The following RANBP9 variants were observed in gnomAD, a reference collection of about 807,000 sequenced individuals.
RANBP9 encodes the protein RAN binding protein 9.
Under a neutral mutation model 84.3 loss-of-function variants are expected in RANBP9, and 15 were observed. The observed-to-expected ratio is 0.18, with a 90% confidence interval of 0.12 to 0.27. The LOEUF (loss-of-function observed/expected upper bound fraction) is 0.27. RANBP9 is among the 10% of genes least tolerant of loss of function. RANBP9 has a pLI of 1.00. For missense variants in RANBP9, 809 were observed against 912.8 expected, an observed-to-expected ratio of 0.89 and a Z score of 1.46; for synonymous variants, 392 against 349.6, an observed-to-expected ratio of 1.12 and a Z score of -1.35.
chr6:13,634,281 G>A, intron 11 of RANBP9, 150 bp downstream of exon 11: 1 of 884,600 alleles, frequency 1.1e-6, no homozygotes, highest in Non-Finnish European at 1.6e-6. Context: ...ACTCAAACAA[G>A]AGTTTAAGTG....
rs967550710 is a variant in RANBP9 at position 13,711,174 on chromosome 6, C to G, written c.332G>C (p.Gly111Ala). Reference sequence around the variant, plus strand: ...CGGGGCTCCTCCAGCCGGGCCGGGGCCCGCTGCAAGGCCCGGGGGAGCGGG... The same window carrying G: ...CGGGGCTCCTCCAGCCGGGCCGGGGGCCGCTGCAAGGCCCGGGGGAGCGGG... ...GPPAPPGLAAGPGPAGGAPTP... is the reference protein window; with the variant it reads ...GPPAPPGLAAAPGPAGGAPTP... Residue 111 changes from glycine (G) to alanine (A), a missense_variant, in exon 1 of 14, where the codon GGC (glycine) becomes GCC (alanine). By Grantham distance (60) the Gly-to-Ala change is moderately conservative (BLOSUM62 0). Transcript: ENST00000011619. The G allele has an allele frequency of 1.1e-5, 15 of 1,423,684 alleles. No individual in the cohort carries two copies. The highest frequency in any genetic ancestry group is 1.3e-5 in the Non-Finnish European group (14 of 1,092,664). The allele number at this position is 1,423,684 out of a possible 1,614,324, so 88.2% of individuals were successfully genotyped here.
chr6:13,649,785 A>G (rs779336486), intron 5 of RANBP9, among the ~76,000 whole-genome samples: 1 of 152,100 alleles, frequency 6.6e-6, no homozygotes, highest in Non-Finnish European at 1.5e-5. Context: ...AGTCCTCCAG[A>G]GTTATCCACT....
intron 10 of RANBP9, among the ~76,000 whole-genome samples, 169 bp downstream of exon 10, chr6:13,637,639 C>A (rs973467032): frequency 2.6e-5 from 4 of 152,146 alleles, no homozygotes; most frequent in Admixed American, 2.0e-4. Context: ...TAATAGGAGA[C>A]TAAAAAGCTT....
intron 11 of RANBP9, among the ~76,000 whole-genome samples, chr6:13,633,750 A>G (rs1367098584): frequency 1.3e-5 from 2 of 152,228 alleles, no homozygotes; most frequent in African/African-American, 4.8e-5. Flanking sequence ...TCAATCTCAA[A>G]ATAATAAGAA....
In RANBP9 at chr6:13,688,909, T is replaced by C. The variant is rs1766258577; in HGVS notation, c.683+7876A>G. Among the ~76,000 whole-genome samples, 4 of 140,658 alleles carry C rather than the reference T, an allele frequency of 2.8e-5. No homozygotes were observed. In the Admixed American group the frequency reaches 3.2e-4, roughly 11 times the overall value. The allele number at this position is 140,658 out of a possible 152,430, so 92.3% of individuals were successfully genotyped here. A position where few individuals can be genotyped will look rare whatever the true frequency, so the allele number is the denominator to read the frequency against. On this transcript the variant is annotated intron_variant, in intron 2 of 13. Transcript: ENST00000011619. ...GACTCATGCCTGTAATCCCAACACTTAGGGAGGCAGGAGGATAGCTTGAGG... is the reference window on the plus strand; with the variant it reads ...GACTCATGCCTGTAATCCCAACACTCAGGGAGGCAGGAGGATAGCTTGAGG...
rs1029544135 is a variant in RANBP9, at chr6:13,711,250, GCGGGGGCGGCGGGGCCGCGGTGGC to G, written c.232_255del (p.Ala78_Pro85del). On this transcript the variant is annotated inframe_deletion, in exon 1 of 14. Transcript: ENST00000011619. Reference sequence around the variant, plus strand: ...GAGGCAGGGGGAGGCGGGGGCGGCGGCGGGGGCGGCGGGGCCGCGGTGGCCGGGGGCGGCGGCGGCGGAGGGTGG... The same window carrying G: ...GAGGCAGGGGGAGGCGGGGGCGGCGGCGGGGGCGGCGGCGGCGGAGGGTGG... 165 of 981,356 alleles carry G rather than the reference GCGGGGGCGGCGGGGCCGCGGTGGC, an allele frequency of 1.7e-4. No homozygotes were observed. The highest frequency in any genetic ancestry group is 1.9e-4 in the Non-Finnish European group (154 of 827,880). 60.8% of individuals were successfully genotyped at this position (981,356 alleles called of 1,614,324 possible).
At chr6:13,706,057 G>A (rs556582622) in intron 1 of RANBP9, among the ~76,000 whole-genome samples, 2 of 151,926 alleles carry the variant, frequency 1.3e-5, no homozygotes, top group South Asian at 4.2e-4. Context: ...GACAGAGTAA[G>A]TATAACAAAA....
At chr6:13,644,998 C>T (rs9382329) in intron 5 of RANBP9, among the ~76,000 whole-genome samples, 28,218 of 152,040 alleles carry the variant, frequency 0.19, 2,872 homozygotes, top group African/African-American at 0.25. Flanking sequence ...TATTATACCA[C>T]GTGGTATTAT....
chr6:13,703,701 G>C (rs1584950970), intron 1 of RANBP9, among the ~76,000 whole-genome samples: 1 of 152,092 alleles, frequency 6.6e-6, no homozygotes, highest in Non-Finnish European at 1.5e-5. Context: ...CAGTCAGTAG[G>C]GAAAAAGAAA....
At chr6:13,691,794 T>C (rs1263262997) in intron 2 of RANBP9, among the ~76,000 whole-genome samples, 1 of 152,116 alleles carries the variant, frequency 6.6e-6, no homozygotes, top group Non-Finnish European at 1.5e-5. Flanking sequence ...GCCCCCCAAG[T>C]AGCTGGGATT....
At chr6:13,684,989 C>T (rs1766136675) in intron 2 of RANBP9, among the ~76,000 whole-genome samples, 1 of 152,182 alleles carries the variant, frequency 6.6e-6, no homozygotes, top group Non-Finnish European at 1.5e-5. Context: ...GCCTCCTCAG[C>T]CTTCTCCTGG....
intron 2 of RANBP9, among the ~76,000 whole-genome samples, chr6:13,687,318 T>C (rs1236571689): frequency 3.3e-5 from 5 of 152,146 alleles, no homozygotes; most frequent in East Asian, 1.9e-4. Flanking sequence ...CTCATCATCA[T>C]CTTCTTTAAA....
intron 2 of RANBP9, among the ~76,000 whole-genome samples, chr6:13,695,800 T>C (rs577212048): frequency 6.6e-6 from 1 of 152,238 alleles, no homozygotes; most frequent in African/African-American, 2.4e-5. Context: ...TTTCTGTTGC[T>C]CATACTGTTG....
chr6:13,679,067 T>A (rs1284745372), intron 2 of RANBP9, among the ~76,000 whole-genome samples: 4 of 152,158 alleles, frequency 2.6e-5, no homozygotes, highest in Admixed American at 6.5e-5. Context: ...AAAAAAAAAA[T>A]TTGTTCCAAT....
At chr6:13,705,784 A>T (rs1047971190) in intron 1 of RANBP9, among the ~76,000 whole-genome samples, 4 of 148,444 alleles carry the variant, frequency 2.7e-5, no homozygotes, top group Admixed American at 6.8e-5. Context: ...AATGGTCTGA[A>T]CCCAGGAGGC....
intron 1 of RANBP9, among the ~76,000 whole-genome samples, chr6:13,708,736 T>C (rs1758195752): frequency 6.6e-6 from 1 of 152,014 alleles, no homozygotes; most frequent in Non-Finnish European, 1.5e-5. Flanking sequence ...CTACTGCTAC[T>C]GCTACTGGGA....
At chr6:13,651,369 A>AG (rs1289670260) in intron 5 of RANBP9, among the ~76,000 whole-genome samples, 1 of 148,094 alleles carries the variant, frequency 6.8e-6, no homozygotes, top group African/African-American at 2.5e-5. Context: ...ACTCCCATAT[A>AG]GTTTTTTGTT....
chr6:13,704,661 G>A (rs1758055727), intron 1 of RANBP9, among the ~76,000 whole-genome samples: 1 of 150,126 alleles, frequency 6.7e-6, no homozygotes, highest in Non-Finnish European at 1.5e-5. Context: ...CCTCCTAATT[G>A]ATCTTTTCCC....
At chr6:13,658,678 C>T in intron 3 of RANBP9, 102 bp downstream of exon 3, 1 of 994,524 alleles carries the variant, frequency 1.0e-6, no homozygotes, top group Non-Finnish European at 1.5e-6. Flanking sequence ...ATTAAAAACA[C>T]AGAAAATCAG....
Sources: allele counts gnomAD v4.1 joint callset (sites outside exome capture counted in the v4.1 genomes callset), GRCh38; gene constraint gnomAD v4.1.1; transcripts MANE v1.5; gene names NCBI Gene and HGNC (gene_info 2026-07-23, HGNC 2026-07-21).